CDH9: variants seen among roughly 807,000 people sequenced by gnomAD.
CDH9 encodes the protein cadherin 9, also known as cadherin-9.
A neutral mutation model predicts 70.9 loss-of-function variants in CDH9; 28 were observed. The ratio of observed to expected loss-of-function variants is 0.40; its 90% CI spans 0.29 to 0.54. CDH9 has a LOEUF of 0.54. CDH9 is among the 20% of genes least tolerant of loss of function. The pLI is 0.59. For missense variants in CDH9, 874 were observed against 984.4 expected (o/e 0.89, Z 1.50); for synonymous variants, 409 against 343.1 (o/e 1.19, Z -2.12).
At position 26,903,724 on chromosome 5, in the gene CDH9, C is replaced by A; in HGVS notation, c.912G>T (p.Glu304Asp). 6.2e-7 allele frequency: 1 copy of A among 1,605,268 alleles called. No individual in the cohort carries two copies. The highest frequency in any genetic ancestry group is 1.7e-4 in the Middle Eastern group (1 of 6,040). ...CACCATCTCCTTCAGCAATGCTATA[C>A]TCCATTTCTGCATTTTCCCCCACGT... is the stretch of plus-strand genomic sequence containing the variant. ...DPDVGENAEM[E>D]YSIAEGDGAD... Residue 304 changes from glutamate (E) to aspartate (D), a missense_variant, in exon 6 of 12, where the codon GAG becomes GAT. By Grantham distance (45) the Glu-to-Asp change is conservative (BLOSUM62 2). Coordinates refer to ENST00000231021, the MANE Select transcript of CDH9 (RefSeq NM_016279.4).
chr5:26,944,071 C>T (rs190449837), intron 2 of CDH9, among the ~76,000 whole-genome samples: 2 of 152,112 alleles, frequency 1.3e-5, no homozygotes, highest in East Asian at 3.9e-4. Flanking sequence ...TTGCTTTGCT[C>T]ATGATTATTT....
At chr5:27,028,859 G>A (rs777164256) in intron 1 of CDH9, among the ~76,000 whole-genome samples, 3 of 151,906 alleles carry the variant, frequency 2.0e-5, no homozygotes, top group Non-Finnish European at 2.9e-5. Flanking sequence ...GTGTTGGTAG[G>A]GATACAGAGA....
At position 26,988,091 on chromosome 5, in the gene CDH9, T is replaced by C. The variant is rs1561030314; in HGVS notation, c.228+15A>G. 1.3e-6 allele frequency: 2 copies of C among 1,571,948 alleles called. No homozygotes were observed. Among genetic ancestry groups the C allele is most frequent in the Non-Finnish European group, 1.7e-6 (2 of 1,148,414 alleles). On this transcript the variant is annotated intron_variant, in intron 2 of 11. Transcript: ENST00000231021. Reference sequence around the variant, plus strand: ...TCACTTTCAGCTTTTAGATTTCTCATACAAAAATTCTTACCTTGCCTACAT... The same window carrying C: ...TCACTTTCAGCTTTTAGATTTCTCACACAAAAATTCTTACCTTGCCTACAT...
intron 2 of CDH9, among the ~76,000 whole-genome samples, chr5:26,938,625 G>A (rs554825979): frequency 1.2e-3 from 181 of 151,850 alleles, no homozygotes; most frequent in Non-Finnish European, 2.2e-3. Context: ...TGCATTCTTC[G>A]GCATTTGCAC....
intron 2 of CDH9, among the ~76,000 whole-genome samples, chr5:26,971,293 C>T (rs1352990915): frequency 6.6e-6 from 1 of 152,142 alleles, no homozygotes; most frequent in Non-Finnish European, 1.5e-5. Context: ...TATTATATCT[C>T]ATAGAATACA....
At chr5:26,955,820 C>T (rs1741937051) in intron 2 of CDH9, among the ~76,000 whole-genome samples, 1 of 152,118 alleles carries the variant, frequency 6.6e-6, no homozygotes, top group African/African-American at 2.4e-5. Flanking sequence ...CTAAACGGAA[C>T]ATCAGTATAG....
Position 26,881,144 on chromosome 5 carries a change from G to T in CDH9, c.2362C>A (p.Arg788=). The stretch of plus-strand genomic sequence containing the variant: ...TAAGTCAAACAATCCTCTTAGTCTC[G>T]GTCACTATCATCACCCCCATACATA... ...ADMYGGDDSD[R]D is the part of the protein sequence containing the mutation. The change falls in exon 12 of 12, where the codon CGA becomes AGA. Residue 788 remains arginine (R), a synonymous_variant. Transcript: ENST00000231021. 6.2e-7 allele frequency: 1 copy of T among 1,603,966 alleles called. No homozygotes were observed. Among genetic ancestry groups the T allele is most frequent in the Non-Finnish European group, 8.5e-7 (1 of 1,175,012 alleles).
intron 2 of CDH9, among the ~76,000 whole-genome samples, chr5:26,971,488 A>G (rs1742217630): frequency 6.6e-6 from 1 of 152,332 alleles, no homozygotes; most frequent in Non-Finnish European, 1.5e-5. Flanking sequence ...ACTAAATATA[A>G]GAACTACAGT....
intron 11 of CDH9, among the ~76,000 whole-genome samples, chr5:26,884,565 A>T (rs757396176): frequency 9.9e-5 from 15 of 152,238 alleles, no homozygotes; most frequent in Admixed American, 4.6e-4. Flanking sequence ...TTTGTTCTAA[A>T]CCACACTGAG....
chr5:26,951,726 T>G (rs1741848931), intron 2 of CDH9, among the ~76,000 whole-genome samples: 3 of 152,138 alleles, frequency 2.0e-5, no homozygotes, highest in African/African-American at 4.8e-5. Flanking sequence ...AGTTTTATGT[T>G]GGGTAGTATC....
intron 1 of CDH9, among the ~76,000 whole-genome samples, chr5:27,009,553 C>T (rs1742922380): frequency 6.6e-6 from 1 of 152,032 alleles, no homozygotes; most frequent in African/African-American, 2.4e-5. Context: ...GGTCCATTCA[C>T]CTTCTGGAAT....
Position 26,881,522 on chromosome 5 carries a change from C to T in CDH9, c.1984G>A (p.Glu662Lys). 1.2e-6 allele frequency: 2 copies of T among 1,613,786 alleles called. No homozygotes were observed. ...VRDNIVTYND[E>K]GGGEEDTQAF... ...TGGGTATCTTCTTCCCCGCCGCCTTCATCGTTGTAGGTCACAATGTTGTCC... is the reference window on the plus strand; with the variant it reads ...TGGGTATCTTCTTCCCCGCCGCCTTTATCGTTGTAGGTCACAATGTTGTCC... Residue 662 changes from glutamate to lysine, a missense_variant, in exon 12 of 12, where the codon GAA (glutamate) becomes AAA (lysine). Coordinates refer to ENST00000231021, the MANE Select transcript of CDH9 (RefSeq NM_016279.4).
chr5:27,006,112 C>T (rs1344150909), intron 1 of CDH9, among the ~76,000 whole-genome samples: 1 of 151,942 alleles, frequency 6.6e-6, no homozygotes, highest in Non-Finnish European at 1.5e-5. Flanking sequence ...GTACAGCAAA[C>T]CTCTGTGATA....
chr5:26,960,910 T>G (rs191780597), intron 2 of CDH9, among the ~76,000 whole-genome samples: 1 of 152,094 alleles, frequency 6.6e-6, no homozygotes, highest in Non-Finnish European at 1.5e-5. Context: ...GTATAACTAC[T>G]AAATCTTTTG....
At chr5:26,967,574 T>A (rs1029821910) in intron 2 of CDH9, among the ~76,000 whole-genome samples, 2 of 152,184 alleles carry the variant, frequency 1.3e-5, no homozygotes, top group African/African-American at 4.8e-5. Flanking sequence ...TTCTAGGTAC[T>A]TTTTTAGATA....
intron 1 of CDH9, among the ~76,000 whole-genome samples, chr5:27,024,904 C>T (rs1743196544): frequency 6.6e-6 from 1 of 151,912 alleles, no homozygotes; most frequent in African/African-American, 2.4e-5. Flanking sequence ...ATAGAGTTAG[C>T]ACGGATCAAA....
At chr5:26,896,502 T>C (rs1465790387) in intron 7 of CDH9, among the ~76,000 whole-genome samples, 2 of 144,928 alleles carry the variant, frequency 1.4e-5, no homozygotes, top group Non-Finnish European at 3.1e-5. Context: ...TTCATTTCAT[T>C]ATAGAATAGA....
chr5:26,962,737 T>TTTTAG lies in CDH9; in HGVS notation c.228+25368_228+25369insCTAAA, dbSNP rs561193078. 3.6e-3 allele frequency among the ~76,000 whole-genome samples: 527 copies of TTTTAG among 146,646 alleles called. 2 individuals are homozygous for TTTTAG. The highest frequency in any genetic ancestry group is 0.012 in the African/African-American group (497 of 40,886). ...CAGTCTTCTGTCACTGTAGTCTTCT[T>TTTTAG]TTTATTTTATTTTATTTTATTATAC... On this transcript the variant is annotated intron_variant, in intron 2 of 11. Transcript: ENST00000231021.
intron 1 of CDH9, among the ~76,000 whole-genome samples, chr5:27,014,046 G>T (rs1743005432): frequency 6.6e-6 from 1 of 151,942 alleles, no homozygotes; most frequent in Admixed American, 6.6e-5. Context: ...ATCATCAGCT[G>T]AGCTCATTCA....
Sources: gnomAD v4.1 joint callset for allele counts (sites outside exome capture counted in the v4.1 genomes callset) on GRCh38, gnomAD v4.1.1 for gene constraint, MANE v1.5 for transcripts, NCBI Gene and HGNC (gene_info 2026-07-23, HGNC 2026-07-21) for gene names.